The following NRG3 variants were observed in gnomAD, a reference collection of about 807,000 sequenced individuals.
NRG3 encodes the protein pro-neuregulin-3, membrane-bound isoform.
Under a neutral mutation model 66.9 loss-of-function variants are expected in NRG3, and 31 were observed. The ratio of observed to expected loss-of-function variants is 0.46; its 90% confidence interval spans 0.35 to 0.63. NRG3 has a LOEUF of 0.63. Ranked by LOEUF, NRG3 falls within the 20% of genes least tolerant of loss-of-function variation. The pLI, the probability that NRG3 is intolerant of heterozygous loss-of-function variation, is 0.00. For missense variants in NRG3, 910 were observed against 878.9 expected (o/e 1.04, Z -0.45); for synonymous variants, 393 against 359.4 (o/e 1.09, Z -1.06).
intron 2 of NRG3, among the ~76,000 whole-genome samples, chr10:82,623,990 G>A (rs781000283): frequency 2.0e-5 from 3 of 152,028 alleles, no homozygotes; most frequent in South Asian, 2.1e-4. Flanking sequence ...TTCTTCTAGC[G>A]TAACTGCCAT....
chr10:82,769,234 T>A (rs1341332338), intron 3 of NRG3, among the ~76,000 whole-genome samples: 34 of 152,126 alleles, frequency 2.2e-4, no homozygotes. Flanking sequence ...ATAATTCTCA[T>A]GTGACTTCTA....
At chr10:82,162,366 TG>T (rs935831929) in intron 1 of NRG3, among the ~76,000 whole-genome samples, 18 of 152,176 alleles carry the variant, frequency 1.2e-4, no homozygotes, top group African/African-American at 4.3e-4. Context: ...ATTTAATTGC[TG>T]GGCAGTTGAA....
At chr10:82,496,732 G>A (rs1299573671) in intron 2 of NRG3, among the ~76,000 whole-genome samples, 1 of 151,938 alleles carries the variant, frequency 6.6e-6, no homozygotes, top group Non-Finnish European at 1.5e-5. Flanking sequence ...TAAATATCTA[G>A]ATTAATTCCA....
In NRG3 at chr10:82,682,906, C is replaced by G. The variant is rs930743231; in HGVS notation, c.954-55671C>G. Among the ~76,000 whole-genome samples the G allele has an allele frequency of 2.0e-5, 3 of 151,428 alleles. No homozygotes were observed. The East Asian group carries it at 5.8e-4, about 29-fold the overall frequency. ...ATTTGACAGATGTTTACCACACACC[C>G]TCTCCCAAACAGATTTGTGAAAATA... On this transcript the variant is annotated intron_variant, in intron 2 of 8. Coordinates refer to ENST00000372141, the MANE Select transcript of NRG3 (RefSeq NM_001010848.4).
At chr10:82,670,425 A>G (rs2053175952) in intron 2 of NRG3, among the ~76,000 whole-genome samples, 1 of 152,194 alleles carries the variant, frequency 6.6e-6, no homozygotes, top group South Asian at 2.1e-4. Context: ...AATACTTGTT[A>G]ATGAGCTCAG....
At chr10:82,753,806 G>T (rs1200050912) in intron 3 of NRG3, among the ~76,000 whole-genome samples, 2 of 151,798 alleles carry the variant, frequency 1.3e-5, no homozygotes, top group Non-Finnish European at 2.9e-5. Flanking sequence ...AATTACCTGG[G>T]CATGGTGGCA....
chr10:82,190,642 A>G (rs1387311148), intron 1 of NRG3, among the ~76,000 whole-genome samples: 4 of 152,124 alleles, frequency 2.6e-5, no homozygotes, highest in Non-Finnish European at 2.9e-5. Flanking sequence ...TGGCTCTGTG[A>G]CCTCAAACAA....
intron 2 of NRG3, among the ~76,000 whole-genome samples, chr10:82,680,714 T>G (rs2134117738): frequency 6.6e-6 from 1 of 152,336 alleles, no homozygotes; most frequent in Non-Finnish European, 1.5e-5. Context: ...AATATGATCC[T>G]GAATATGGTG....
intron 3 of NRG3, among the ~76,000 whole-genome samples, chr10:82,844,302 C>G (rs1257963876): frequency 1.3e-5 from 2 of 152,142 alleles, no homozygotes; most frequent in Non-Finnish European, 2.9e-5. Flanking sequence ...CTTATTGATA[C>G]AATACTGCTG....
intron 2 of NRG3, among the ~76,000 whole-genome samples, chr10:82,483,411 C>T (rs562209154): frequency 1.3e-5 from 2 of 152,308 alleles, no homozygotes; most frequent in East Asian, 3.9e-4. Context: ...TCTCAAACTC[C>T]GTGGACCTTT....
intron 3 of NRG3, among the ~76,000 whole-genome samples, chr10:82,784,165 C>A (rs1187699742): frequency 1.3e-5 from 2 of 152,086 alleles, no homozygotes; most frequent in Non-Finnish European, 2.9e-5. Context: ...ATGTAGAAAG[C>A]TGAAACTGGA....
intron 1 of NRG3, chr10:81,878,000 A>G: frequency 1.3e-6 from 2 of 1,537,600 alleles, no homozygotes; most frequent in South Asian, 2.4e-5. Context: ...ATGCGTTGGG[A>G]GAGGAGGGGG....
At chr10:82,687,606 T>A (rs961064648) in intron 2 of NRG3, among the ~76,000 whole-genome samples, 3 of 152,128 alleles carry the variant, frequency 2.0e-5, no homozygotes, top group African/African-American at 7.2e-5. Flanking sequence ...AAGAGGGTGC[T>A]GCATATAGGG....
intron 1 of NRG3, among the ~76,000 whole-genome samples, chr10:82,069,981 T>A (rs1216460279): frequency 1.3e-5 from 2 of 152,136 alleles, no homozygotes; most frequent in East Asian, 1.9e-4. Flanking sequence ...TTCTACTGAG[T>A]GAATATATTT....
intron 2 of NRG3, among the ~76,000 whole-genome samples, chr10:82,722,422 TA>T (rs2057368644): frequency 6.6e-6 from 1 of 152,220 alleles, no homozygotes; most frequent in Non-Finnish European, 1.5e-5. Flanking sequence ...AAATGGGTCA[TA>T]GTCAACAAAG....
chr10:82,296,918 CT>C (rs2080097382), intron 1 of NRG3, among the ~76,000 whole-genome samples: 1 of 152,092 alleles, frequency 6.6e-6, no homozygotes, highest in African/African-American at 2.4e-5. Context: ...TTCTTCAACC[CT>C]TTACTCCCTC....
At chr10:82,776,217 T>A (rs1482903532) in intron 3 of NRG3, among the ~76,000 whole-genome samples, 2 of 152,184 alleles carry the variant, frequency 1.3e-5, no homozygotes, top group African/African-American at 4.8e-5. Flanking sequence ...AGGTTGGCAG[T>A]TTTCTTCTTT....
intron 2 of NRG3, among the ~76,000 whole-genome samples, chr10:82,561,831 GAA>G (rs958079729): frequency 2.0e-5 from 3 of 152,114 alleles, no homozygotes; most frequent in African/African-American, 4.8e-5. Flanking sequence ...AAATTGAGAG[GAA>G]AAGACATAGA....
intron 2 of NRG3, among the ~76,000 whole-genome samples, chr10:82,419,683 A>G (rs146189697): frequency 1.1e-4 from 17 of 152,342 alleles, no homozygotes; most frequent in African/African-American, 3.8e-4. Context: ...TCTTATATAC[A>G]TGTCTCTAAA....
Sources: gnomAD v4.1 joint callset for allele counts (sites outside exome capture counted in the v4.1 genomes callset) on GRCh38, gnomAD v4.1.1 for gene constraint, MANE v1.5 for transcripts, NCBI Gene and HGNC (gene_info 2026-07-23, HGNC 2026-07-21) for gene names.